Variants in PKM observed in about 807,000 individuals in gnomAD.
PKM encodes pyruvate kinase PKM.
A neutral mutation model predicts 49.8 loss-of-function variants in PKM; 18 were observed. That is an observed-to-expected ratio of 0.36 (90% CI 0.25 to 0.54). The LOEUF is 0.54. PKM is among the 20% of genes least tolerant of loss of function. PKM has a pLI of 0.89. For missense variants in PKM, 508 were observed against 713.8 expected (o/e 0.71, Z 3.28); for synonymous variants, 239 against 261.8 (o/e 0.91, Z 0.84).
chr15:72,222,517 T>G (rs2082553329), intron 1 of PKM: 1 of 152,466 alleles, frequency 6.6e-6, no homozygotes. Context: ...CCTTGGTTTC[T>G]CAGGGCGGAC....
chr15:72,230,355 C>G (rs2082821269), intron 1 of PKM, among the ~76,000 whole-genome samples: 1 of 152,196 alleles, frequency 6.6e-6, no homozygotes, highest in Non-Finnish European at 1.5e-5. Context: ...CCGCCCGCCC[C>G]GGACACGGGG....
chr15:72,202,296 G>C lies in PKM; in HGVS notation c.1307+158C>G, dbSNP rs1413789992. 1.4e-6 allele frequency: 1 copy of C among 729,440 alleles called. No homozygotes were observed. Among genetic ancestry groups the C allele is most frequent in the Non-Finnish European group, 2.4e-6 (1 of 419,332 alleles). 45.2% of individuals were successfully genotyped at this position (729,440 alleles called of 1,614,324 possible). A position where few individuals can be genotyped will look rare whatever the true frequency, so the allele number is the denominator to read the frequency against. On this transcript the variant is annotated intron_variant, in intron 9 of 10. Coordinates refer to ENST00000335181, the MANE Select transcript of PKM (RefSeq NM_002654.6). This position sits in a 1 kb window ranked among gnomAD's most constrained non-coding sequence, Gnocchi z 4.5. ...AGAGTCCTTTGGGCCCAGGGAAGGG[G>C]CTCTGCTCAATCCTTCCCTGCAGGC...
At chr15:72,220,705 T>C (rs1239177162) in intron 1 of PKM, among the ~76,000 whole-genome samples, 2 of 152,224 alleles carry the variant, frequency 1.3e-5, no homozygotes, top group African/African-American at 4.8e-5. Context: ...TAGCACCTAG[T>C]ATGTGGAAGC....
At chr15:72,208,981 G>A (rs2082161315) in intron 5 of PKM, 90 bp from the exon 6 acceptor site, 2 of 1,387,386 alleles carry the variant, frequency 1.4e-6, no homozygotes. Context: ...CAGTGAGCTG[G>A]GAAGTGGTGC....
rs1389515484 is a variant in PKM, at chr15:72,200,196, T to G, written c.1489+278A>C. On this transcript the variant is annotated intron_variant, in intron 10 of 10. Coordinates refer to ENST00000335181, the MANE Select transcript of PKM (RefSeq NM_002654.6). The surrounding 1 kb of genome is among the most constrained non-coding windows in gnomAD (Gnocchi z 4.6). ...AGCAGATGCCAAAAAATGGACAATT[T>G]TGCTTTGAGCCCCAGACTAGAAGAG... is the stretch of plus-strand genomic sequence containing the variant. Among the ~76,000 whole-genome samples, 3 of 152,096 alleles carry G rather than the reference T, an allele frequency of 2.0e-5. No individual in the cohort carries two copies. Among genetic ancestry groups the G allele is most frequent in the Non-Finnish European group, 4.4e-5 (3 of 68,012 alleles).
chr15:72,208,563 T>C, intron 6 of PKM, 58 bp downstream of exon 6: 1 of 1,589,972 alleles, frequency 6.3e-7, no homozygotes, highest in Non-Finnish European at 8.6e-7. Flanking sequence ...ATTCACAGGA[T>C]GGACCATGCC....
At chr15:72,213,311 A>AT (rs1394184603) in intron 3 of PKM, among the ~76,000 whole-genome samples, 2 of 152,164 alleles carry the variant, frequency 1.3e-5, no homozygotes, top group Non-Finnish European at 2.9e-5. Flanking sequence ...ATCAGCGTAT[A>AT]TTGGTTTCAA....
chr15:72,214,384 C>A (rs1464234709), intron 3 of PKM, among the ~76,000 whole-genome samples: 1 of 152,156 alleles, frequency 6.6e-6, no homozygotes, highest in Admixed American at 6.5e-5. Flanking sequence ...TCTCTTAGAG[C>A]ATCTCTGGGA....
chr15:72,220,858 C>T (rs1225524996), intron 1 of PKM, among the ~76,000 whole-genome samples: 1 of 152,192 alleles, frequency 6.6e-6, no homozygotes, highest in Non-Finnish European at 1.5e-5. Flanking sequence ...GGTCCCTTTC[C>T]CTACACTCAT....
Position 72,210,352 on chromosome 15 carries a change from TG to T in PKM, c.372del (p.Lys125ArgfsTer10). On this transcript the variant is annotated frameshift_variant, in exon 4 of 11. Transcript: ENST00000335181. LOFTEE classifies it high-confidence loss of function. The part of the protein sequence containing the change: ...TKGPEIRTGL[I>X]KGSGTAEVEL... ...GCTCTCCGCAGAATACTCACGCCCT[TG>T]ATGAGCCCAGTTCGGATCTCAGGTC... is the stretch of plus-strand genomic sequence containing the variant. The T allele has an allele frequency of 6.2e-7, 1 of 1,614,062 alleles. No individual in the cohort carries two copies. The highest frequency in any genetic ancestry group is 8.5e-7 in the Non-Finnish European group (1 of 1,179,982).
intron 8 of PKM, among the ~76,000 whole-genome samples, chr15:72,206,104 G>A (rs1028850921): frequency 6.6e-6 from 1 of 152,176 alleles, no homozygotes; most frequent in African/African-American, 2.4e-5. Flanking sequence ...CACTCAACCC[G>A]ACTTTTTGGT....
intron 1 of PKM, among the ~76,000 whole-genome samples, chr15:72,221,547 T>C (rs2082524246): frequency 1.3e-5 from 2 of 149,280 alleles, no homozygotes; most frequent in African/African-American, 2.5e-5. Context: ...AGGACGTCAT[T>C]GGGGTGGTAG....
intron 1 of PKM, among the ~76,000 whole-genome samples, chr15:72,229,930 GAAAAAA>G (rs2082801441): frequency 1.0e-5 from 1 of 98,584 alleles, no homozygotes; most frequent in Non-Finnish European, 2.3e-5. Flanking sequence ...AAAAAAGAAA[GAAAAAA>G]GAAAGGAAAA....
At chr15:72,209,608 T>C in intron 5 of PKM, 65 bp downstream of exon 5, 1 of 1,430,706 alleles carries the variant, frequency 7.0e-7, no homozygotes, top group Non-Finnish European at 9.9e-7. Context: ...CCATCTTCCT[T>C]GTGTCAAGGA....
upstream of PKM, chr15:72,231,268 A>T (rs1055185388): frequency 1.9e-5 from 3 of 156,594 alleles, no homozygotes; most frequent in African/African-American, 7.3e-5. Context: ...CCTCTGCCCA[A>T]TCCCGGCTCC....
chr15:72,219,834 T>A (rs1332991919), intron 1 of PKM, among the ~76,000 whole-genome samples: 1 of 152,194 alleles, frequency 6.6e-6, no homozygotes, highest in Non-Finnish European at 1.5e-5. Flanking sequence ...ATAGAGAAAT[T>A]AAAGTTGCTG....
At chr15:72,208,053 T>G (rs755640568) in intron 6 of PKM, among the ~76,000 whole-genome samples, 21 of 152,158 alleles carry the variant, frequency 1.4e-4, no homozygotes, top group Non-Finnish European at 2.8e-4. Flanking sequence ...GTTGGGGCAA[T>G]CTGAAACTGG....
At position 72,202,965 on chromosome 15, in the gene PKM, G is replaced by T; in HGVS notation, c.1141-345C>A. 6.5e-7 allele frequency: 1 copy of T among 1,548,354 alleles called. No homozygotes were observed. ...TTGGGCCTGGCTGTCTTCTCCTAGAGCAGGTGGAGCAAGAGGCTGGTTATC... is the reference window on the plus strand; with the variant it reads ...TTGGGCCTGGCTGTCTTCTCCTAGATCAGGTGGAGCAAGAGGCTGGTTATC... On this transcript the variant is annotated intron_variant, in intron 8 of 10. Transcript: ENST00000335181. The surrounding 1 kb of genome is among the most constrained non-coding windows in gnomAD (Gnocchi z 4.5).
rs1455760168 is a variant in PKM at position 72,210,418 on chromosome 15, T to C, written c.307A>G (p.Ile103Val). ...GCCACAGCAACGGGCCGGTAGAGGATGGGGTCAGAAGCAAAGCTTTCCGTG... is the reference window on the plus strand; with the variant it reads ...GCCACAGCAACGGGCCGGTAGAGGACGGGGTCAGAAGCAAAGCTTTCCGTG... ...TATESFASDP[I>V]LYRPVAVALD... The change falls in exon 4 of 11, where the codon ATC becomes GTC. Residue 103 changes from isoleucine (I) to valine (V), a missense_variant. Ile to Val is a conservative substitution (Grantham distance 29). Transcript: ENST00000335181. 1 of 1,614,096 alleles carries C rather than the reference T, an allele frequency of 6.2e-7. No individual in the cohort carries two copies. The highest frequency in any genetic ancestry group is 2.2e-5 in the East Asian group (1 of 44,876).
Sources: gnomAD v4.1 joint callset for allele counts (sites outside exome capture counted in the v4.1 genomes callset) on GRCh38, gnomAD v4.1.1 for gene constraint, Gnocchi (gnomAD v3.1) non-coding constraint, MANE v1.5 for transcripts, NCBI Gene and HGNC (gene_info 2026-07-23, HGNC 2026-07-21) for gene names.